SPEF2: variants seen among roughly 807,000 people sequenced by gnomAD.
SPEF2 encodes sperm flagella and cilia-associated protein 2.
Under a neutral mutation model 224.6 loss-of-function variants are expected in SPEF2, and 187 were observed. The observed-to-expected ratio is 0.83, with a 90% CI of 0.74 to 0.94. The LOEUF is 0.94. SPEF2 is among the 40% of genes least tolerant of loss of function. The pLI, the probability that SPEF2 is intolerant of heterozygous loss-of-function variation, is 0.00. For missense variants in SPEF2, 2,170 were observed against 2,135.6 expected, an observed-to-expected ratio of 1.02 and a Z score of -0.32; for synonymous variants, 715 against 707.3, an observed-to-expected ratio of 1.01 and a Z score of -0.17.
chr5:35,806,997 T>C (rs369084356), intron 35 of SPEF2, 45 bp downstream of exon 35: 4 of 1,570,366 alleles, frequency 2.5e-6, no homozygotes, highest in Non-Finnish European at 3.4e-6. Flanking sequence ...ATTCTGAGCA[T>C]ATTTTTATGG....
At position 35,712,917 on chromosome 5, in the gene SPEF2, T is replaced by C. The variant is rs758567952; in HGVS notation, c.2914+31T>C. On this transcript the variant is annotated intron_variant, in intron 20 of 36. Transcript: ENST00000356031. ...GCAGATAAAAATATATATAATTACATGTAATTCTGCATTTTATAACTATCT... is the reference window on the plus strand; with the variant it reads ...GCAGATAAAAATATATATAATTACACGTAATTCTGCATTTTATAACTATCT... The C allele has an allele frequency of 3.6e-5, 57 of 1,578,210 alleles. 1 individual carries two copies. The South Asian group carries it at 6.1e-4, about 17-fold the overall frequency.
chr5:35,711,403 A>G (rs888093585), intron 19 of SPEF2, among the ~76,000 whole-genome samples: 2 of 152,068 alleles, frequency 1.3e-5, no homozygotes, highest in Non-Finnish European at 1.5e-5. Flanking sequence ...CATATTTTAT[A>G]TCTCCTTCCA....
chr5:35,729,832 C>T (rs1745330473), intron 21 of SPEF2, among the ~76,000 whole-genome samples: 1 of 152,126 alleles, frequency 6.6e-6, no homozygotes, highest in Non-Finnish European at 1.5e-5. Flanking sequence ...ATGGGCTTAA[C>T]AGGGGTTTCC....
chr5:35,656,260 C>T (rs1035325933), intron 7 of SPEF2, among the ~76,000 whole-genome samples: 1 of 152,080 alleles, frequency 6.6e-6, no homozygotes, highest in Admixed American at 6.5e-5. Flanking sequence ...CACCTACCCA[C>T]GTCTGGTCTG....
chr5:35,766,639 T>C (rs4130606), intron 26 of SPEF2, among the ~76,000 whole-genome samples: 15,914 of 151,904 alleles, frequency 0.1, 1,229 homozygotes, highest in African/African-American at 0.22. Flanking sequence ...TATGTGTCTT[T>C]TTTTCTTTTC....
chr5:35,646,599 C>T, intron 4 of SPEF2, 68 bp from the exon 5 acceptor site: 2 of 1,450,208 alleles, frequency 1.4e-6, no homozygotes, highest in Non-Finnish European at 1.9e-6. Flanking sequence ...ATATTTGTAC[C>T]TATGAGTGTA....
chr5:35,635,058 C>T (rs1020466909), intron 2 of SPEF2, among the ~76,000 whole-genome samples: 21 of 151,890 alleles, frequency 1.4e-4, no homozygotes, highest in African/African-American at 5.1e-4. Flanking sequence ...TGGAATTTCT[C>T]TGATGTTTTT....
At chr5:35,684,138 C>A (rs1375654651) in intron 10 of SPEF2, 1 of 152,104 alleles carries the variant, frequency 6.6e-6, no homozygotes, top group Non-Finnish European at 1.5e-5. Flanking sequence ...ATAAAAATTT[C>A]TGATTCGTCA....
At position 35,793,759 on chromosome 5, in the gene SPEF2, C is replaced by CACACACACACACACAT. The variant is rs1554059228; in HGVS notation, c.4737+427_4737+428insCACACATACACACACA. On this transcript the variant is annotated intron_variant, in intron 32 of 36. Coordinates refer to ENST00000356031, the MANE Select transcript of SPEF2 (RefSeq NM_024867.4). Reference sequence around the variant, plus strand: ...ACACACACACACACACACACACACACACACACACAGGGAAAGGAGCAGGTT... The same window carrying CACACACACACACACAT: ...ACACACACACACACACACACACACACACACACACACACACATACACACACAGGGAAAGGAGCAGGTT... 1.6e-3 allele frequency among the ~76,000 whole-genome samples: 227 copies of CACACACACACACACAT among 141,866 alleles called. 11 individuals are homozygous for CACACACACACACACAT. The highest frequency in any genetic ancestry group is 5.2e-3 in the East Asian group (25 of 4,776). The allele number at this position is 141,866 out of a possible 152,430, so 93.1% of individuals were successfully genotyped here.
chr5:35,748,578 T>C (rs564247182), intron 23 of SPEF2, among the ~76,000 whole-genome samples: 1 of 151,828 alleles, frequency 6.6e-6, no homozygotes, highest in Non-Finnish European at 1.5e-5. Flanking sequence ...CCTAGAAGAG[T>C]TGGATATATT....
chr5:35,667,777 G>T lies in SPEF2; in HGVS notation c.1355+518G>T, dbSNP rs527499045. 1.3e-3 allele frequency among the ~76,000 whole-genome samples: 203 copies of T among 152,092 alleles called. 1 individual carries two copies. The highest frequency in any genetic ancestry group is 4.6e-3 in the African/African-American group (190 of 41,508). On this transcript the variant is annotated intron_variant, in intron 9 of 36. Coordinates refer to ENST00000356031, the MANE Select transcript of SPEF2 (RefSeq NM_024867.4). ...ATTTCAAACTGCCTATCCCACAAAAGACTAATATCTAGAATATATGAAGTA... is the reference window on the plus strand; with the variant it reads ...ATTTCAAACTGCCTATCCCACAAAATACTAATATCTAGAATATATGAAGTA...
chr5:35,765,632 C>T (rs1209728009), intron 26 of SPEF2, among the ~76,000 whole-genome samples: 1 of 152,160 alleles, frequency 6.6e-6, no homozygotes, highest in Middle Eastern at 3.2e-3. Flanking sequence ...ACCAACACCA[C>T]ACCAATATAC....
At chr5:35,694,497 T>A (rs1755010206) in intron 13 of SPEF2, 134 bp downstream of exon 13, 2 of 692,170 alleles carry the variant, frequency 2.9e-6, no homozygotes, top group Non-Finnish European at 4.8e-6. Context: ...TGTCTACATA[T>A]GGCCATTTGA....
At chr5:35,693,616 G>A (rs914223994) in intron 12 of SPEF2, among the ~76,000 whole-genome samples, 3 of 152,080 alleles carry the variant, frequency 2.0e-5, no homozygotes, top group African/African-American at 4.8e-5. Flanking sequence ...GACCCTAAGC[G>A]TGAATTGGTT....
intron 19 of SPEF2, among the ~76,000 whole-genome samples, chr5:35,712,028 A>G (rs1325007331): frequency 6.6e-6 from 1 of 152,098 alleles, no homozygotes; most frequent in Non-Finnish European, 1.5e-5. Flanking sequence ...CAGTTTTCCA[A>G]TTTCTCCCTT....
At chr5:35,754,008 G>T (rs1750078614) in intron 24 of SPEF2, among the ~76,000 whole-genome samples, 1 of 152,022 alleles carries the variant, frequency 6.6e-6, no homozygotes, top group South Asian at 2.1e-4. Flanking sequence ...CTCCCAGGTG[G>T]CCTAGATATG....
At chr5:35,791,026 C>T (rs1389697321) in intron 30 of SPEF2, 3 of 152,160 alleles carry the variant, frequency 2.0e-5, no homozygotes, top group Non-Finnish European at 4.4e-5. Flanking sequence ...TGTATTGCAG[C>T]TTACAAGATT....
At chr5:35,743,482 C>T (rs1748001809) in intron 23 of SPEF2, among the ~76,000 whole-genome samples, 3 of 152,036 alleles carry the variant, frequency 2.0e-5, no homozygotes, top group Non-Finnish European at 4.4e-5. Context: ...GCCAAATCCA[C>T]CTTATCAAAG....
At chr5:35,738,002 T>A (rs1289142615) in intron 21 of SPEF2, among the ~76,000 whole-genome samples, 1 of 152,246 alleles carries the variant, frequency 6.6e-6, no homozygotes, top group Non-Finnish European at 1.5e-5. Context: ...TTCGGCTGCA[T>A]AAATGTCTTC....
Sources: gnomAD v4.1 joint callset for allele counts (sites outside exome capture counted in the v4.1 genomes callset) on GRCh38, gnomAD v4.1.1 for gene constraint, MANE v1.5 for transcripts, NCBI Gene and HGNC (gene_info 2026-07-23, HGNC 2026-07-21) for gene names.